SI: variants seen among roughly 807,000 people sequenced by gnomAD.
SI encodes sucrase-isomaltase, intestinal.
SI carries 235 observed loss-of-function variants against 253.3 expected under a neutral mutation model. That is an observed-to-expected ratio of 0.93 (90% CI 0.83 to 1.03). The LOEUF (loss-of-function observed/expected upper bound fraction) is 1.03. SI is among the 50% of genes least tolerant of loss of function. The pLI, the probability that SI is intolerant of heterozygous loss-of-function variation, is 0.00. For synonymous variants in SI, 819 were observed against 712.0 expected, an observed-to-expected ratio of 1.15 and a Z score of -2.39; for missense variants, 2,442 against 2,211.1, an observed-to-expected ratio of 1.10 and a Z score of -2.09.
chr3:165,023,789 T>C lies in SI; in HGVS notation c.2893-13A>G. On this transcript the variant is annotated splice_polypyrimidine_tract_variant and intron_variant, in intron 25 of 47. Coordinates refer to ENST00000264382, the MANE Select transcript of SI (RefSeq NM_001041.4). ...ATAGAGAAGAACCCTAAAAACACAA[T>C]GCATGTTCATTGCCAGAAATTATAA... is the stretch of plus-strand genomic sequence containing the variant. The C allele has an allele frequency of 1.3e-6, 2 of 1,581,824 alleles. No homozygotes were observed. Among genetic ancestry groups the C allele is most frequent in the Non-Finnish European group, 1.7e-6 (2 of 1,152,142 alleles).
At chr3:165,041,244 G>A (rs1293497920) in intron 17 of SI, 150 bp from the exon 18 acceptor site, 2 of 668,106 alleles carry the variant, frequency 3.0e-6, no homozygotes, top group Non-Finnish European at 5.1e-6. Flanking sequence ...TCATCAAAGT[G>A]TCTGAATGAA....
Position 165,009,324 on chromosome 3 carries a change from A to T in SI, c.4134T>A (p.Ile1378=), listed in dbSNP as rs1050949602. 33 of 1,613,330 alleles carry T rather than the reference A, an allele frequency of 2.0e-5. No homozygotes were observed. The highest frequency in any genetic ancestry group is 2.8e-5 in the Non-Finnish European group (33 of 1,179,482). The change falls in exon 35 of 48, where the codon ATT becomes ATA. Residue 1378 remains isoleucine (I), a synonymous_variant. Transcript: ENST00000264382. ...TSTAEWWARE[I]VDFYNEKMKF... ...TCATCTTTTCATTGTAAAAGTCCAC[A>T]ATTTCTCTGGCCCACCACTCTGCTG... is the stretch of plus-strand genomic sequence containing the variant.
Position 165,049,209 on chromosome 3 carries a change from A to G in SI, c.1633T>C (p.Cys545Arg). 1 of 1,611,206 alleles carries G rather than the reference A, an allele frequency of 6.2e-7. No individual in the cohort carries two copies. The highest frequency in any genetic ancestry group is 8.5e-7 in the Non-Finnish European group (1 of 1,177,834). ...LDKLMYSKTI[C>R]MDAVQNWGKQ... Reference sequence around the variant, plus strand: ...CCCCAGTTCTGCACAGCATCCATGCAAATTGTTTTGGAATACATGAGTTTG... The same window carrying G: ...CCCCAGTTCTGCACAGCATCCATGCGAATTGTTTTGGAATACATGAGTTTG... Residue 545 changes from cysteine to arginine, a missense_variant, in exon 15 of 48, where the codon TGC (cysteine) becomes CGC (arginine). By Grantham distance (180) the Cys-to-Arg change is radical (BLOSUM62 -3). Coordinates refer to ENST00000264382, the MANE Select transcript of SI (RefSeq NM_001041.4).
At chr3:165,033,327 A>G in intron 23 of SI, 68 bp downstream of exon 23, 1 of 1,382,410 alleles carries the variant, frequency 7.2e-7, no homozygotes, top group Non-Finnish European at 9.5e-7. Context: ...CAAAAAATTT[A>G]TCATAAAAGA....
intron 37 of SI, among the ~76,000 whole-genome samples, chr3:164,999,068 T>C (rs1029635836): frequency 6.6e-6 from 1 of 151,876 alleles, no homozygotes; most frequent in Non-Finnish European, 1.5e-5. Flanking sequence ...CTGTAACATA[T>C]CAACACTTAA....
In SI at chr3:164,996,555, G is replaced by A. The variant is rs775975573; in HGVS notation, c.4672C>T (p.His1558Tyr). Residue 1558 changes from histidine (H) to tyrosine (Y), a missense_variant, in exon 40 of 48, where the codon CAC becomes TAC. Coordinates refer to ENST00000264382, the MANE Select transcript of SI (RefSeq NM_001041.4). Reference protein sequence around the residue: ...LGAFYPYSRNHNIANTRRQDP... With the variant: ...LGAFYPYSRNYNIANTRRQDP... The stretch of plus-strand genomic sequence containing the variant: ...CATACTCTAGTATTTGCAATGTTGT[G>A]ATTCCTTGAGTATGGATAAAATGCT... 1 of 1,571,432 alleles carries A rather than the reference G, an allele frequency of 6.4e-7. No individual in the cohort carries two copies. The highest frequency in any genetic ancestry group is 8.8e-7 in the Non-Finnish European group (1 of 1,141,756).
intron 17 of SI, among the ~76,000 whole-genome samples, chr3:165,041,737 A>T (rs937987472): frequency 6.6e-6 from 1 of 152,088 alleles, no homozygotes; most frequent in Admixed American, 6.6e-5. Flanking sequence ...ACTGATATGG[A>T]CAAGCCTGTT....
chr3:164,992,560 T>C (rs984226847), intron 41 of SI, among the ~76,000 whole-genome samples, 163 bp from the exon 42 acceptor site: 8 of 152,010 alleles, frequency 5.3e-5, no homozygotes, highest in African/African-American at 1.9e-4. Flanking sequence ...AATGTAATAG[T>C]ACAATGCTCA....
rs192161706 is a variant in SI at position 164,999,149 on chromosome 3, A to G, written c.4407-476T>C. Among the ~76,000 whole-genome samples the G allele has an allele frequency of 2.9e-3, 435 of 151,928 alleles. 5 individuals are homozygous for G. Among genetic ancestry groups the G allele is most frequent in the African/African-American group, 0.01 (418 of 41,534 alleles). On this transcript the variant is annotated intron_variant, in intron 37 of 47. Coordinates refer to ENST00000264382, the MANE Select transcript of SI (RefSeq NM_001041.4). Reference sequence around the variant, plus strand: ...TTTAAAGGTTTAATTTGAAGAGAGCAAAGTATTCTCGGGTCTTAAAACTAA... The same window carrying G: ...TTTAAAGGTTTAATTTGAAGAGAGCGAAGTATTCTCGGGTCTTAAAACTAA...
At chr3:165,065,810 A>T (rs542062451) in intron 6 of SI, among the ~76,000 whole-genome samples, 2 of 151,802 alleles carry the variant, frequency 1.3e-5, no homozygotes, top group African/African-American at 4.8e-5. Context: ...TGCTTGCTCT[A>T]GGTACTAGAT....
chr3:164,986,546 A>G (rs968645697), intron 45 of SI, among the ~76,000 whole-genome samples: 2 of 152,150 alleles, frequency 1.3e-5, no homozygotes, highest in Non-Finnish European at 2.9e-5. Flanking sequence ...ACATTTCTAC[A>G]TGGCAGTTCC....
intron 35 of SI, among the ~76,000 whole-genome samples, chr3:165,008,471 T>C (rs968997818): frequency 6.6e-6 from 1 of 151,928 alleles, no homozygotes; most frequent in Non-Finnish European, 1.5e-5. Context: ...TCTAAATAAA[T>C]AAGTCAGCCA....
At position 165,032,517 on chromosome 3, in the gene SI, A is replaced by G. The variant is rs779574693; in HGVS notation, c.2736+5T>C. 2 of 1,583,838 alleles carry G rather than the reference A, an allele frequency of 1.3e-6. No individual in the cohort carries two copies. Among genetic ancestry groups the G allele is most frequent in the South Asian group, 2.2e-5 (2 of 90,106 alleles). ...AGCTAAAATATTTTAAAAGATTGTA[A>G]TTACCTGGTTAGAAGCATCATAAGT... On this transcript the variant is annotated splice_donor_5th_base_variant and intron_variant, in intron 24 of 47. Transcript: ENST00000264382.
intron 18 of SI, among the ~76,000 whole-genome samples, chr3:165,040,224 A>C (rs1712748192): frequency 6.6e-6 from 1 of 151,092 alleles, no homozygotes; most frequent in Non-Finnish European, 1.5e-5. Context: ...GAAATGAAGG[A>C]AAGAAGGAGG....
the SI span, among the ~76,000 whole-genome samples, chr3:165,085,924 C>T: frequency 6.6e-6 from 1 of 152,076 alleles, no homozygotes; most frequent in Admixed American, 6.6e-5. Context: ...AGTTGGGGTT[C>T]ATTTTAGGTT....
intron 41 of SI, among the ~76,000 whole-genome samples, chr3:164,993,768 G>T (rs1444351489): frequency 6.6e-6 from 1 of 151,632 alleles, no homozygotes; most frequent in East Asian, 1.9e-4. Context: ...GCTTTAAGAG[G>T]TGAATCCAAA....
rs750834621 is a variant in SI at position 164,987,140 on chromosome 3, A to G, written c.5195T>C (p.Ile1732Thr). Residue 1732 changes from isoleucine (I) to threonine (T), a missense_variant and splice_region_variant, in exon 45 of 48, where the codon ATA (isoleucine) becomes ACA (threonine). Transcript: ENST00000264382. The part of the protein sequence containing the change: ...GSLFWDDGES[I>T]DTYERDLYLS... The stretch of plus-strand genomic sequence containing the variant: ...TATCTACTAAATCGAGCACTCACCT[A>G]TACTCTCTCCATCATCCCAAAACAG... 2.5e-6 allele frequency: 4 copies of G among 1,610,338 alleles called. No individual in the cohort carries two copies. Among genetic ancestry groups the G allele is most frequent in the Non-Finnish European group, 2.5e-6 (3 of 1,176,804 alleles).
intron 24 of SI, 53 bp from the exon 25 acceptor site, chr3:165,030,920 C>T: frequency 2.8e-6 from 4 of 1,439,140 alleles, no homozygotes; most frequent in Non-Finnish European, 9.1e-7. Context: ...CACAAACAAA[C>T]AAAAACATTA....
At chr3:165,006,302 G>A (rs1160312861) in intron 37 of SI, among the ~76,000 whole-genome samples, 1 of 151,880 alleles carries the variant, frequency 6.6e-6, no homozygotes, top group Non-Finnish European at 1.5e-5. Context: ...TAGAGATGAG[G>A]TTTCACCATT....
Sources: allele counts gnomAD v4.1 joint callset (sites outside exome capture counted in the v4.1 genomes callset), GRCh38; gene constraint gnomAD v4.1.1; transcripts MANE v1.5; gene names NCBI Gene and HGNC (gene_info 2026-07-23, HGNC 2026-07-21).